KCNB2: variants seen among roughly 807,000 people sequenced by gnomAD.
KCNB2 encodes delayed rectifier potassium channel protein.
A neutral mutation model predicts 61.5 loss-of-function variants in KCNB2; 15 were observed. The ratio of observed to expected loss-of-function variants is 0.24; its 90% CI spans 0.16 to 0.38. The LOEUF is 0.38. Among genes scored for constraint, KCNB2 ranks in the 10% least tolerant of loss-of-function variants. The pLI is 1.00. For missense variants in KCNB2, 828 were observed against 1,125.2 expected (o/e 0.74, Z 3.78); for synonymous variants, 457 against 446.0 (o/e 1.02, Z -0.31).
chr8:72,755,854 C>G (rs1808280776), intron 2 of KCNB2, among the ~76,000 whole-genome samples: 1 of 152,188 alleles, frequency 6.6e-6, no homozygotes, highest in African/African-American at 2.4e-5. Context: ...ACTCCCTACT[C>G]ACTACAACAC....
chr8:72,665,394 G>A (rs1002016972), intron 2 of KCNB2, among the ~76,000 whole-genome samples: 2 of 152,088 alleles, frequency 1.3e-5, no homozygotes, highest in Non-Finnish European at 2.9e-5. Flanking sequence ...GAAGTCGGAT[G>A]GGGAGGAAAG....
At chr8:72,607,352 A>T (rs1167518728) in intron 2 of KCNB2, among the ~76,000 whole-genome samples, 1 of 152,158 alleles carries the variant, frequency 6.6e-6, no homozygotes, top group Admixed American at 6.5e-5. Flanking sequence ...AAGAATGATT[A>T]CAAGGCACTC....
chr8:72,817,145 T>C (rs1454900883), intron 2 of KCNB2, among the ~76,000 whole-genome samples: 3 of 152,168 alleles, frequency 2.0e-5, no homozygotes, highest in Admixed American at 6.5e-5. Context: ...TAGAAAATAC[T>C]TTAAAGGGTT....
In KCNB2 at chr8:72,597,001, CTTTTTTTTTTTTTTTTTTTTTTTTTTT is replaced by C. The variant is rs869160203; in HGVS notation, c.579+28703_579+28729del. Among the ~76,000 whole-genome samples the C allele has an allele frequency of 5.3e-4, 34 of 64,656 alleles. 1 individual carries two copies. The South Asian group carries it at 0.011, about 20-fold the overall frequency. 42.4% of individuals were successfully genotyped at this position (64,656 alleles called of 152,430 possible). ...GCATGCTTGCTTGCTTGCTTGCTTG[CTTTTTTTTTTTTTTTTTTTTTTTTTTT>C]TTTTTTTTTTTTTTGAGATGGACTC... On this transcript the variant is annotated intron_variant, in intron 2 of 2. Coordinates refer to ENST00000523207, the MANE Select transcript of KCNB2 (RefSeq NM_004770.3).
At chr8:72,606,320 G>C (rs919812466) in intron 2 of KCNB2, among the ~76,000 whole-genome samples, 2 of 152,064 alleles carry the variant, frequency 1.3e-5, no homozygotes, top group Non-Finnish European at 2.9e-5. Context: ...ACACTTTGAT[G>C]AATATTTAAT....
At chr8:72,786,054 G>T (rs1354204755) in intron 2 of KCNB2, among the ~76,000 whole-genome samples, 1 of 122,012 alleles carries the variant, frequency 8.2e-6, no homozygotes, top group African/African-American at 3.1e-5. Context: ...ACCCAAAAAC[G>T]AAAAAAAAAA....
intron 2 of KCNB2, chr8:72,619,290 C>T (rs1407754627): frequency 3.2e-6 from 2 of 617,046 alleles, no homozygotes; most frequent in African/African-American, 3.7e-5. Context: ...GGAACCAGTG[C>T]TGGAGAGATT....
intron 2 of KCNB2, among the ~76,000 whole-genome samples, chr8:72,908,433 T>C (rs779734927): frequency 6.6e-6 from 1 of 152,202 alleles, no homozygotes; most frequent in East Asian, 1.9e-4. Flanking sequence ...TTCACCTATT[T>C]ATTCCAGTAC....
chr8:72,935,485 C>G (rs773520657), intron 2 of KCNB2, among the ~76,000 whole-genome samples: 1 of 152,154 alleles, frequency 6.6e-6, no homozygotes, highest in Admixed American at 6.5e-5. Flanking sequence ...CTCCAGGTGT[C>G]GGTCTGAGTT....
chr8:72,748,397 A>C (rs1000555214), intron 2 of KCNB2, among the ~76,000 whole-genome samples: 3 of 152,178 alleles, frequency 2.0e-5, no homozygotes, highest in Admixed American at 6.5e-5. Flanking sequence ...ATTGCAAACC[A>C]AATCCATTAG....
intron 2 of KCNB2, among the ~76,000 whole-genome samples, chr8:72,722,875 T>G (rs562873579): frequency 6.6e-6 from 1 of 152,356 alleles, no homozygotes; most frequent in South Asian, 2.1e-4. Context: ...TGCTAGATTT[T>G]GTACATACTC....
intron 2 of KCNB2, among the ~76,000 whole-genome samples, chr8:72,831,237 A>T (rs1467068139): frequency 1.3e-5 from 2 of 152,162 alleles, no homozygotes; most frequent in African/African-American, 4.8e-5. Flanking sequence ...CATTACATTC[A>T]TTTACCTCAT....
At chr8:72,782,486 C>T (rs1248027468) in intron 2 of KCNB2, among the ~76,000 whole-genome samples, 1 of 152,056 alleles carries the variant, frequency 6.6e-6, no homozygotes, top group African/African-American at 2.4e-5. Flanking sequence ...GAACTTGGTG[C>T]CTTACCTACT....
Position 72,937,131 on chromosome 8 carries a change from G to C in KCNB2, c.1776G>C (p.Glu592Asp), listed in dbSNP as rs1392307002. The change falls in exon 3 of 3, where the codon GAG becomes GAC. Residue 592 changes from glutamate (E) to aspartate (D), a missense_variant. Glu to Asp is a conservative substitution (Grantham distance 45, BLOSUM62 2). Transcript: ENST00000523207. ...AGCAGCTGGCCGTGGCACAGACCGA[G>C]GTCATTGTGGACATGAAGAGCACCT... ...PQEQLAVAQTEVIVDMKSTSS... is the reference protein window; with the variant it reads ...PQEQLAVAQTDVIVDMKSTSS... 1.2e-6 allele frequency: 2 copies of C among 1,614,030 alleles called. No individual in the cohort carries two copies. Among genetic ancestry groups the C allele is most frequent in the Non-Finnish European group, 1.7e-6 (2 of 1,180,042 alleles).
chr8:72,672,847 T>C (rs561453204), intron 2 of KCNB2, among the ~76,000 whole-genome samples: 1 of 152,266 alleles, frequency 6.6e-6, no homozygotes, highest in East Asian at 1.9e-4. Context: ...ATTGATACAT[T>C]GCAACTTAAA....
chr8:72,639,139 A>G (rs1040791449), intron 2 of KCNB2, among the ~76,000 whole-genome samples: 10 of 152,184 alleles, frequency 6.6e-5, no homozygotes, highest in African/African-American at 2.4e-4. Context: ...TTGATAATAA[A>G]GGAAGCTAGA....
intron 2 of KCNB2, among the ~76,000 whole-genome samples, chr8:72,765,262 G>T (rs567107413): frequency 6.6e-6 from 1 of 152,294 alleles, no homozygotes; most frequent in African/African-American, 2.4e-5. Flanking sequence ...GCTGGGAAAA[G>T]TCCCTAAACC....
intron 2 of KCNB2, among the ~76,000 whole-genome samples, chr8:72,749,991 G>A (rs1808160895): frequency 6.6e-6 from 1 of 151,418 alleles, no homozygotes; most frequent in Non-Finnish European, 1.5e-5. Flanking sequence ...CACTCACAGA[G>A]GTCCACTAGA....
At chr8:72,782,620 T>C (rs1276867114) in intron 2 of KCNB2, among the ~76,000 whole-genome samples, 1 of 152,202 alleles carries the variant, frequency 6.6e-6, no homozygotes, top group Admixed American at 6.5e-5. Context: ...ACTGCTTTTA[T>C]GAGACCCCCA....
Sources: gnomAD v4.1 joint callset for allele counts (sites outside exome capture counted in the v4.1 genomes callset) on GRCh38, gnomAD v4.1.1 for gene constraint, MANE v1.5 for transcripts, NCBI Gene and HGNC (gene_info 2026-07-23, HGNC 2026-07-21) for gene names.